Variants in ZFX observed in about 807,000 individuals in gnomAD.
The protein encoded by ZFX is zinc finger X-chromosomal protein.
For synonymous variants in ZFX, 196 were observed against 226.8 expected (o/e 0.86, Z 1.22); for missense variants, 362 against 628.3 (o/e 0.58, Z 4.53).
rs772662239 is a variant in ZFX at position 24,200,252 on chromosome X, G to A, written c.647-7074G>A. ...ACATTTGAGGGGAGATGAGAATAGG[G>A]AAAAGAGGAGAGAACAGAAAGTAGC... On this transcript the variant is annotated intron_variant, in intron 5 of 9. Transcript: ENST00000304543. 2.7e-5 allele frequency among the ~76,000 whole-genome samples: 3 copies of A among 111,585 alleles called. No individual in the cohort carries two copies. The East Asian group carries it at 8.5e-4, about 31-fold the overall frequency.
intron 3 of ZFX, among the ~76,000 whole-genome samples, chrX:24,156,892 G>C (rs912353136): frequency 4.5e-5 from 5 of 111,363 alleles, no homozygotes; most frequent in Non-Finnish European, 7.5e-5. Flanking sequence ...CTGACCTCAT[G>C]ATCTGCCCAC....
At chrX:24,151,230 A>G (rs943265842) in intron 1 of ZFX, among the ~76,000 whole-genome samples, 2 of 112,162 alleles carry the variant, frequency 1.8e-5, no homozygotes, top group African/African-American at 6.5e-5. Flanking sequence ...TGTAATGCAG[A>G]CGGTGGCTGC....
chrX:24,160,253 TTTTCTC>T (rs1256469779), intron 3 of ZFX, among the ~76,000 whole-genome samples: 1 of 109,231 alleles, frequency 9.2e-6, no homozygotes, highest in Non-Finnish European at 1.9e-5. Flanking sequence ...AACTATAAAA[TTTTCTC>T]TAGACTATAA....
chrX:24,172,438 T>A lies in ZFX; in HGVS notation c.-28-277T>A, dbSNP rs140789327. Among the ~76,000 whole-genome samples, 1,036 of 112,106 alleles carry A rather than the reference T, an allele frequency of 9.2e-3. 11 individuals are homozygous for A. The highest frequency in any genetic ancestry group is 0.031 in the African/African-American group (966 of 30,892). On this transcript the variant is annotated intron_variant, in intron 3 of 9. Transcript: ENST00000304543. ...ATGTATGTATTAGAATTCATCAAGA[T>A]GTGTGCACTTGATAGACCTAAGCAA...
chrX:24,160,617 G>T (rs1040101760), intron 3 of ZFX, among the ~76,000 whole-genome samples: 2 of 111,391 alleles, frequency 1.8e-5, no homozygotes, highest in Non-Finnish European at 3.8e-5. Context: ...CGTATTTATG[G>T]GGTAGAGTGA....
intron 3 of ZFX, among the ~76,000 whole-genome samples, chrX:24,158,115 G>GAC (rs1932900510): frequency 9.0e-6 from 1 of 111,563 alleles, no homozygotes; most frequent in Admixed American, 9.6e-5. Context: ...AAATAAGTCT[G>GAC]AATTGTCTTG....
intron 9 of ZFX, 49 bp downstream of exon 9, chrX:24,209,089 A>G (rs1387849945): frequency 1.7e-6 from 2 of 1,209,175 alleles, no homozygotes; most frequent in Non-Finnish European, 2.2e-6. Flanking sequence ...GAGCTCTCAG[A>G]GGAAACTCTA....
At chrX:24,185,701 C>A (rs1346315392) in intron 5 of ZFX, among the ~76,000 whole-genome samples, 1 of 112,674 alleles carries the variant, frequency 8.9e-6, no homozygotes, top group Non-Finnish European at 1.9e-5. Flanking sequence ...CTGCTCACCT[C>A]GGCCTCCCGA....
At chrX:24,186,963 T>C (rs1456662952) in intron 5 of ZFX, among the ~76,000 whole-genome samples, 1 of 112,334 alleles carries the variant, frequency 8.9e-6, no homozygotes, top group African/African-American at 3.2e-5. Context: ...AAAGTCCGTG[T>C]ACATCATGCC....
At position 24,179,607 on chromosome X, in the gene ZFX, A is replaced by G. The variant is rs911935988; in HGVS notation, c.483A>G (p.Val161=). 1 of 1,211,979 alleles carries G rather than the reference A, an allele frequency of 8.3e-7. No individual in the cohort carries two copies. Among genetic ancestry groups the G allele is most frequent in the African/African-American group, 1.7e-5 (1 of 57,807 alleles). ...GHVEHVVHDS[V]VEAEIVTDPL... is the part of the protein sequence containing the mutation. ...TTGAACATGTGGTTCATGATAGTGT[A>G]GTGGAAGCAGAAATTGTCACTGATC... Residue 161 remains valine, a synonymous_variant, in exon 5 of 10, where the codon GTA becomes GTG. Coordinates refer to ENST00000304543, the MANE Select transcript of ZFX (RefSeq NM_003410.4).
intron 3 of ZFX, among the ~76,000 whole-genome samples, chrX:24,156,906 G>A (rs1932828270): frequency 9.0e-6 from 1 of 111,314 alleles, no homozygotes; most frequent in East Asian, 2.8e-4. Flanking sequence ...TGCCCACCTC[G>A]GCCTCTCAAA....
At chrX:24,163,827 C>CT (rs1237241505) in intron 3 of ZFX, among the ~76,000 whole-genome samples, 1 of 66,641 alleles carries the variant, frequency 1.5e-5, no homozygotes, top group African/African-American at 6.3e-5. Context: ...CAGGCCCCCT[C>CT]TTTTAAAAAA....
intron 5 of ZFX, among the ~76,000 whole-genome samples, chrX:24,198,336 G>A (rs1418009388): frequency 9.0e-6 from 1 of 110,997 alleles, no homozygotes; most frequent in African/African-American, 3.3e-5. Flanking sequence ...CCGAGCAGCT[G>A]GGACCACAGC....
intron 4 of ZFX, among the ~76,000 whole-genome samples, chrX:24,178,810 C>G (rs1008929042): frequency 9.0e-6 from 1 of 111,517 alleles, no homozygotes; most frequent in East Asian, 2.8e-4. Context: ...AAACTCTTGG[C>G]TTCAAGTGAT....
intron 3 of ZFX, among the ~76,000 whole-genome samples, chrX:24,163,323 A>C (rs1601818074): frequency 1.2e-5 from 1 of 80,500 alleles, no homozygotes; most frequent in African/African-American, 4.8e-5. Context: ...TGGGATTCAT[A>C]ATTAACCAAG....
chrX:24,184,239 G>T (rs1235389995), intron 5 of ZFX, among the ~76,000 whole-genome samples: 1 of 111,660 alleles, frequency 9.0e-6, no homozygotes, highest in Non-Finnish European at 1.9e-5. Flanking sequence ...GGGCAACCCA[G>T]GACCAAGGCT....
chrX:24,192,157 A>G (rs1016338893), intron 5 of ZFX, among the ~76,000 whole-genome samples: 4 of 111,943 alleles, frequency 3.6e-5, no homozygotes, highest in African/African-American at 1.3e-4. Flanking sequence ...TGCCATAGTA[A>G]GTTAGAATAG....
At chrX:24,204,655 C>T (rs764769821) in intron 5 of ZFX, among the ~76,000 whole-genome samples, 5 of 112,039 alleles carry the variant, frequency 4.5e-5, no homozygotes, top group African/African-American at 6.5e-5. Context: ...TTTCAAAAAT[C>T]ACAGTTGCCT....
At chrX:24,181,680 T>C (rs1884664925) in intron 5 of ZFX, among the ~76,000 whole-genome samples, 1 of 111,931 alleles carries the variant, frequency 8.9e-6, no homozygotes, top group Non-Finnish European at 1.9e-5. Flanking sequence ...CAAGTTTGGT[T>C]ATGCTTGAAG....
Sources: allele counts gnomAD v4.1 joint callset (sites outside exome capture counted in the v4.1 genomes callset), GRCh38; gene constraint gnomAD v4.1.1; transcripts MANE v1.5; gene names NCBI Gene and HGNC (gene_info 2026-07-23, HGNC 2026-07-21).